Variants in PDE4D observed in about 807,000 individuals in gnomAD.
PDE4D encodes the protein 3',5'-cyclic-AMP phosphodiesterase 4D.
A neutral mutation model predicts 87.4 loss-of-function variants in PDE4D; 24 were observed. That is an observed-to-expected ratio of 0.27 (90% CI 0.20 to 0.39). The LOEUF is 0.39. PDE4D is among the 10% of genes least tolerant of loss of function. PDE4D has a pLI of 1.00. For synonymous variants in PDE4D, 384 were observed against 383.2 expected (o/e 1.00, Z -0.02); for missense variants, 714 against 1,041.0 (o/e 0.69, Z 4.32).
chr5:59,344,425 T>C (rs1779293361), intron 1 of PDE4D, among the ~76,000 whole-genome samples: 1 of 152,156 alleles, frequency 6.6e-6, no homozygotes, highest in Admixed American at 6.5e-5. Context: ...TTTTCAGAGA[T>C]GAGGTCTCAC....
At chr5:60,234,496 A>G (rs1746194196) in intron 1 of PDE4D, among the ~76,000 whole-genome samples, 1 of 151,774 alleles carries the variant, frequency 6.6e-6, no homozygotes, top group African/African-American at 2.4e-5. Context: ...GCAGCTCTAG[A>G]ATTAATGTTT....
At chr5:59,762,880 T>TAG (rs1762327316) in intron 1 of PDE4D, among the ~76,000 whole-genome samples, 1 of 133,006 alleles carries the variant, frequency 7.5e-6, no homozygotes, top group African/African-American at 2.8e-5. Flanking sequence ...TATATATATA[T>TAG]ATATATATAT....
At chr5:59,430,114 T>C (rs999723350) in intron 1 of PDE4D, among the ~76,000 whole-genome samples, 3 of 152,202 alleles carry the variant, frequency 2.0e-5, no homozygotes, top group Non-Finnish European at 2.9e-5. Context: ...TTTTGCTAAA[T>C]AGCTAAACTA....
At chr5:59,004,791 T>C (rs915334678) in intron 6 of PDE4D, among the ~76,000 whole-genome samples, 2 of 152,208 alleles carry the variant, frequency 1.3e-5, no homozygotes, top group Non-Finnish European at 2.9e-5. Context: ...GTCCCATGTA[T>C]CCCAGGACAT....
At chr5:59,612,230 C>T (rs1025228888) in intron 1 of PDE4D, among the ~76,000 whole-genome samples, 8 of 37,284 alleles carry the variant, frequency 2.1e-4, no homozygotes, top group Non-Finnish European at 4.4e-4. Context: ...TTGATTGACA[C>T]TGTTTTTTTT....
chr5:60,288,579 GA>G lies in PDE4D; in HGVS notation c.-89-102893del, dbSNP rs530578231. ...AAAATAGTTAACTAGTGATATGTAT[GA>G]AAAAAAGTTTTTTAACTATAAAGAA... On this transcript the variant is annotated intron_variant, in intron 1 of 16. Transcript: ENST00000502484. Among the ~76,000 whole-genome samples, 1,171 of 152,232 alleles carry G rather than the reference GA, an allele frequency of 7.7e-3. 7 individuals carry two copies. Among genetic ancestry groups the G allele is most frequent in the Non-Finnish European group, 0.014 (929 of 68,012 alleles).
chr5:59,727,568 A>T (rs1331989274), intron 1 of PDE4D, among the ~76,000 whole-genome samples: 1 of 152,124 alleles, frequency 6.6e-6, no homozygotes, highest in East Asian at 1.9e-4. Flanking sequence ...AAACAAATAA[A>T]AAAGGGGAAA....
Position 59,893,412 on chromosome 5 carries a change from A to T in PDE4D, c.211T>A (p.Cys71Ser). The T allele has an allele frequency of 2.1e-6, 3 of 1,425,120 alleles. No individual in the cohort carries two copies. Among genetic ancestry groups the T allele is most frequent in the Non-Finnish European group, 2.8e-6 (3 of 1,079,208 alleles). The allele number at this position is 1,425,120 out of a possible 1,614,324, so 88.3% of individuals were successfully genotyped here. Reference sequence around the variant, plus strand: ...GGCGGCGGCGGCGGCTGTAGCGGACACTGGGGCTGGGGCTGGGGCGAGGGT... The same window carrying T: ...GGCGGCGGCGGCGGCTGTAGCGGACTCTGGGGCTGGGGCTGGGGCGAGGGT... ...PPPSPQPQPQ[C>S]PLQPPPPPPL... Residue 71 changes from cysteine (C) to serine (S), a missense_variant, in exon 1 of 15, where the codon TGT becomes AGT. Physicochemically the swap from Cys to Ser is moderately radical, Grantham distance 112. This residue lies in a region of PDE4D where 268 missense variants were observed against 272.9 expected (regional missense o/e 0.98). Transcript: ENST00000340635.
chr5:60,187,489 T>C (rs1009009541), intron 1 of PDE4D, among the ~76,000 whole-genome samples: 6 of 152,210 alleles, frequency 3.9e-5, no homozygotes, highest in African/African-American at 1.4e-4. Context: ...CAGGATTTAA[T>C]GAGTAGCCTT....
At chr5:59,768,786 C>T (rs1490413899) in intron 1 of PDE4D, 2 of 635,740 alleles carry the variant, frequency 3.1e-6, no homozygotes, top group Non-Finnish European at 2.5e-6. Context: ...GAAAGCACCG[C>T]GCTCGCACGG....
At chr5:60,374,345 G>C (rs1761267798) in intron 1 of PDE4D, among the ~76,000 whole-genome samples, 2 of 152,136 alleles carry the variant, frequency 1.3e-5, no homozygotes, top group Admixed American at 1.3e-4. Context: ...GGAGAAAAAG[G>C]AGAGCAAAAA....
intron 3 of PDE4D, among the ~76,000 whole-genome samples, chr5:59,968,974 A>G (rs62371488): frequency 0.065 from 9,706 of 148,306 alleles, 427 homozygotes; most frequent in Non-Finnish European, 0.1. Context: ...TACTGTGTTC[A>G]TCAAGGAAGA....
intron 1 of PDE4D, among the ~76,000 whole-genome samples, chr5:59,236,515 T>C (rs1189166943): frequency 6.6e-6 from 1 of 152,216 alleles, no homozygotes; most frequent in African/African-American, 2.4e-5. Context: ...AGCTATTTGA[T>C]GTGTTGTCAG....
intron 1 of PDE4D, among the ~76,000 whole-genome samples, chr5:60,212,906 GTTC>G (rs1250117726): frequency 1.3e-5 from 2 of 152,040 alleles, no homozygotes; most frequent in Non-Finnish European, 2.9e-5. Context: ...CTAAACTTTT[GTTC>G]TTCTTTGGTT....
chr5:60,127,442 A>T, intron 2 of PDE4D: 1 of 409,984 alleles, frequency 2.4e-6, no homozygotes, highest in Middle Eastern at 3.2e-4. Context: ...CAGGAAATGG[A>T]TCAAGGCAGC....
chr5:59,905,270 A>C (rs575793123), intron 3 of PDE4D, among the ~76,000 whole-genome samples: 22 of 152,248 alleles, frequency 1.4e-4, no homozygotes, highest in African/African-American at 5.1e-4. Context: ...ATTGTTCAGA[A>C]TGCTTTGTGG....
At chr5:59,955,806 T>C (rs548697283) in intron 3 of PDE4D, among the ~76,000 whole-genome samples, 7 of 152,248 alleles carry the variant, frequency 4.6e-5, no homozygotes, top group South Asian at 2.1e-4. Context: ...CTTCTTTCAA[T>C]CAGATCTCCC....
intron 3 of PDE4D, among the ~76,000 whole-genome samples, chr5:59,946,724 T>C (rs1053214713): frequency 2.6e-5 from 4 of 152,230 alleles, no homozygotes; most frequent in East Asian, 1.9e-4. Flanking sequence ...AAGTTATCTA[T>C]TGTGAAAAGC....
intron 2 of PDE4D, among the ~76,000 whole-genome samples, chr5:60,011,556 CAA>C (rs1329756176): frequency 1.3e-5 from 2 of 152,160 alleles, no homozygotes; most frequent in Admixed American, 1.3e-4. Context: ...CCATATTACA[CAA>C]AGTTTTTATT....
Sources: allele counts gnomAD v4.1 joint callset (sites outside exome capture counted in the v4.1 genomes callset), GRCh38; gene constraint gnomAD v4.1.1; regional missense constraint gnomAD v4.1.1; transcripts MANE v1.5; gene names NCBI Gene and HGNC (gene_info 2026-07-23, HGNC 2026-07-21).